The following FBN2 variants were observed in gnomAD, a reference collection of about 807,000 sequenced individuals.
FBN2 encodes fibrillin 2.
A neutral mutation model predicts 355.6 loss-of-function variants in FBN2; 105 were observed. The observed-to-expected ratio is 0.30, with a 90% CI of 0.25 to 0.35. The LOEUF (loss-of-function observed/expected upper bound fraction) is 0.35, where lower values mean the gene tolerates loss of function less well. Among genes scored for constraint, FBN2 ranks in the 10% least tolerant of loss-of-function variants. The pLI, the probability that FBN2 is intolerant of heterozygous loss-of-function variation, is 1.00. For synonymous variants in FBN2, 1,350 were observed against 1,301.2 expected, an observed-to-expected ratio of 1.04 and a Z score of -0.81; for missense variants, 3,280 against 3,758.7, an observed-to-expected ratio of 0.87 and a Z score of 3.33.
chr5:128,452,043 T>C (rs541099393), intron 6 of FBN2, among the ~76,000 whole-genome samples: 21 of 152,134 alleles, frequency 1.4e-4, no homozygotes, highest in Non-Finnish European at 3.1e-4. Flanking sequence ...TAGATCAAGT[T>C]AGCAGTTAAA....
intron 44 of FBN2, among the ~76,000 whole-genome samples, chr5:128,305,310 T>C (rs1342414194): frequency 6.6e-6 from 1 of 152,172 alleles, no homozygotes; most frequent in African/African-American, 2.4e-5. Flanking sequence ...TTATTTTATT[T>C]TAGGTCCAAT....
At chr5:128,261,701 A>C in intron 64 of FBN2, 35 bp downstream of exon 64, 1 of 1,610,650 alleles carries the variant, frequency 6.2e-7, no homozygotes. Flanking sequence ...CGTAGGGATA[A>C]AATTTTGTGG....
Position 128,464,742 on chromosome 5 carries a change from G to A in FBN2, c.808C>T (p.Arg270Cys), listed in dbSNP as rs559772944. Residue 270 changes from arginine to cysteine, a missense_variant, in exon 6 of 65, where the codon CGC (arginine) becomes TGC (cysteine). Around this residue, in one of 6 missense-constraint regions of FBN2, gnomAD observed 343 missense variants for 331.0 expected, o/e 1.04. Coordinates refer to ENST00000262464, the MANE Select transcript of FBN2 (RefSeq NM_001999.4). Reference protein sequence around the residue: ...PCRRGFIPNIRTGACQDVDEC... With the variant: ...PCRRGFIPNICTGACQDVDEC... ...GACTCACCTTGGCAAGCTCCAGTGC[G>A]GATGTTGGGGATGAAACCCCGTCGG... 5 of 1,613,684 alleles carry A rather than the reference G, an allele frequency of 3.1e-6. No homozygotes were observed. Among genetic ancestry groups the A allele is most frequent in the Admixed American group, 3.3e-5 (2 of 60,014 alleles).
rs1554068953 is a variant in FBN2 at position 128,434,394 on chromosome 5, G to GTATATATATATATGTATATATATATA, written c.952+12086_952+12087insTATATATATATACATATATATATATA. On this transcript the variant is annotated intron_variant, in intron 7 of 64. Transcript: ENST00000262464. ...CAATGCCTGGCAGTGAATAAAGTGT[G>GTATATATATATATGTATATATATATA]TATATATATATATATATATATATAT... Among the ~76,000 whole-genome samples, 199 of 91,636 alleles carry GTATATATATATATGTATATATATATA rather than the reference G, an allele frequency of 2.2e-3. 21 individuals carry two copies. Among genetic ancestry groups the GTATATATATATATGTATATATATATA allele is most frequent in the East Asian group, 9.7e-3 (35 of 3,610 alleles). 60.1% of individuals were successfully genotyped at this position (91,636 alleles called of 152,430 possible).
intron 7 of FBN2, among the ~76,000 whole-genome samples, chr5:128,427,026 T>C (rs1256496783): frequency 6.6e-6 from 1 of 152,184 alleles, no homozygotes; most frequent in East Asian, 1.9e-4. Context: ...GACTTCCAAA[T>C]TTATATTGCC....
chr5:128,305,571 C>T lies in FBN2; in HGVS notation c.5614G>A (p.Gly1872Ser), dbSNP rs765693888. ...QRNADCINSP[G>S]SYRCECAAGF... is the part of the protein sequence containing the mutation. Reference sequence around the variant, plus strand: ...GCGGCACATTCACAGCGGTAACTACCAGGACTATTGATGCAGTCTGCATTC... The same window carrying T: ...GCGGCACATTCACAGCGGTAACTACTAGGACTATTGATGCAGTCTGCATTC... The change falls in exon 44 of 65, where the codon GGT (glycine) becomes AGT (serine). Residue 1872 changes from glycine (G) to serine (S), a missense_variant. Around this residue, in one of 6 missense-constraint regions of FBN2, gnomAD observed 2,284 missense variants for 2,749.5 expected, o/e 0.83. Transcript: ENST00000262464. 1 of 1,614,010 alleles carries T rather than the reference C, an allele frequency of 6.2e-7. No individual in the cohort carries two copies. The highest frequency in any genetic ancestry group is 1.3e-5 in the African/African-American group (1 of 75,032).
intron 8 of FBN2, 109 bp from the exon 9 acceptor site, chr5:128,395,383 T>C: frequency 3.5e-6 from 4 of 1,139,974 alleles, no homozygotes; most frequent in Non-Finnish European, 3.9e-6. Context: ...CCACTTAATC[T>C]CTGTTATCTA....
chr5:128,349,372 C>A lies in FBN2; in HGVS notation c.2964G>T (p.Leu988Phe), dbSNP rs1174903790. Residue 988 changes from leucine to phenylalanine, a missense_variant, in exon 23 of 65, where the codon TTG becomes TTT. Physicochemically the swap from Leu to Phe is conservative, Grantham distance 22. Coordinates refer to ENST00000262464, the MANE Select transcript of FBN2 (RefSeq NM_001999.4). ...CCAAACATACACGGCCAGTCCCATC[C>A]AACGTAAGGCCTTCAGGGCACTCGC... ...FHCECPEGLTLDGTGRVCLDI... is the reference protein window; with the variant it reads ...FHCECPEGLTFDGTGRVCLDI... The A allele has an allele frequency of 1.2e-6, 2 of 1,614,092 alleles. No homozygotes were observed. Among genetic ancestry groups the A allele is most frequent in the East Asian group, 4.5e-5 (2 of 44,876 alleles).
chr5:128,357,172 T>C, intron 20 of FBN2, 104 bp downstream of exon 20: 1 of 1,427,170 alleles, frequency 7.0e-7, no homozygotes, highest in South Asian at 1.2e-5. Flanking sequence ...TGTGTAATTC[T>C]TTGCTTTTTG....
chr5:128,476,666 C>CA lies in FBN2; in HGVS notation c.629-11746dup, dbSNP rs199839113. 5.7e-3 allele frequency among the ~76,000 whole-genome samples: 826 copies of CA among 143,896 alleles called. 3 individuals are homozygous for CA. Among genetic ancestry groups the CA allele is most frequent in the Middle Eastern group, 0.014 (4 of 278 alleles). 94.4% of individuals were successfully genotyped at this position (143,896 alleles called of 152,430 possible). ...AGTCAAATTTGACAGAGCAAGTAGA[C>CA]AAAAAAAAAATAAATAAGAACATAA... On this transcript the variant is annotated intron_variant, in intron 5 of 64. Transcript: ENST00000262464.
rs1304366234 is a variant in FBN2, at chr5:128,378,859, A to G, written c.1635T>C (p.Thr545=). 1.2e-6 allele frequency: 2 copies of G among 1,613,082 alleles called. No homozygotes were observed. Among genetic ancestry groups the G allele is most frequent in the Non-Finnish European group, 8.5e-7 (1 of 1,179,300 alleles). The part of the protein sequence containing the change: ...DVDECTSNPC[T]NGDCVNTPGS... ...CAGGTGTGTTAACACAATCTCCATT[A>G]GTGCAGGGATTTGATGTGCATTCAT... Residue 545 remains threonine, a synonymous_variant, in exon 12 of 65, where the codon ACT becomes ACC. Transcript: ENST00000262464.
Position 128,507,305 on chromosome 5 carries a change from C to A in FBN2, c.628+11968G>T, listed in dbSNP as rs148051002. Among the ~76,000 whole-genome samples the A allele has an allele frequency of 1.2e-3, 190 of 152,150 alleles. 1 individual carries two copies. The highest frequency in any genetic ancestry group is 2.2e-3 in the Non-Finnish European group (149 of 67,908). On this transcript the variant is annotated intron_variant, in intron 5 of 64. Transcript: ENST00000262464. ...GCAGTCCCTTAGTATCTGCAGGGAA[C>A]TGGTTCCAGGATGCCCAGAGATACC...
intron 2 of FBN2, among the ~76,000 whole-genome samples, chr5:128,534,600 C>T (rs879295348): frequency 3.9e-5 from 6 of 152,292 alleles, no homozygotes; most frequent in South Asian, 2.1e-4. Context: ...ATTTCTGATA[C>T]GTGTAAATTC....
Position 128,357,344 on chromosome 5 carries a change from T to G in FBN2, c.2606A>C (p.Asn869Thr). 4 of 1,613,968 alleles carry G rather than the reference T, an allele frequency of 2.5e-6. No individual in the cohort carries two copies. The highest frequency in any genetic ancestry group is 2.5e-6 in the Non-Finnish European group (3 of 1,179,868). Residue 869 changes from asparagine (N) to threonine (T), a missense_variant, in exon 20 of 65, where the codon AAC becomes ACC. Physicochemically the swap from Asn to Thr is moderately conservative, Grantham distance 65. This residue lies in a region of FBN2 where 2,284 missense variants were observed against 2,749.5 expected (regional missense o/e 0.83). Coordinates refer to ENST00000262464, the MANE Select transcript of FBN2 (RefSeq NM_001999.4). Reference protein sequence around the residue: ...NPCVNGACRNNLGSFNCECSP... With the variant: ...NPCVNGACRNTLGSFNCECSP... ...ACATTCACAATTGAAAGATCCAAGG[T>G]TGTTTCTGCAGGCCCCATTGACACA...
At chr5:128,376,671 A>G in intron 14 of FBN2, 60 bp downstream of exon 14, 2 of 1,592,264 alleles carry the variant, frequency 1.3e-6, no homozygotes, top group Admixed American at 1.7e-5. Flanking sequence ...TCCATGGTTC[A>G]TTCAAATAAA....
chr5:128,414,643 C>A (rs1326332128), intron 7 of FBN2, among the ~76,000 whole-genome samples: 4 of 152,074 alleles, frequency 2.6e-5, no homozygotes, highest in Non-Finnish European at 5.9e-5. Flanking sequence ...CTTAGATATA[C>A]ACCTAGAAGT....
chr5:128,493,943 G>A (rs144599087), intron 5 of FBN2, among the ~76,000 whole-genome samples: 164 of 152,270 alleles, frequency 1.1e-3, no homozygotes, highest in African/African-American at 3.7e-3. Context: ...AAGGAATACA[G>A]AGAGAAAACC....
chr5:128,280,884 G>A (rs1381385248), intron 55 of FBN2, among the ~76,000 whole-genome samples: 1 of 152,026 alleles, frequency 6.6e-6, no homozygotes, highest in African/African-American at 2.4e-5. Context: ...CAACAAAATT[G>A]TTTTCACTAA....
intron 25 of FBN2, among the ~76,000 whole-genome samples, chr5:128,339,959 G>A (rs1750955682): frequency 6.6e-6 from 1 of 152,180 alleles, no homozygotes; most frequent in Non-Finnish European, 1.5e-5. Context: ...GGTGACATGA[G>A]CTGTCACCAA....
Sources: allele counts gnomAD v4.1 joint callset (sites outside exome capture counted in the v4.1 genomes callset), GRCh38; gene constraint gnomAD v4.1.1; regional missense constraint gnomAD v4.1.1; transcripts MANE v1.5; gene names NCBI Gene and HGNC (gene_info 2026-07-23, HGNC 2026-07-21).